The following PLA2G4C variants were observed in gnomAD, a reference collection of about 807,000 sequenced individuals.
The protein encoded by PLA2G4C is phospholipase A2 group IVC, also known as cytosolic phospholipase A2 gamma.
Under a neutral mutation model 73.8 loss-of-function variants are expected in PLA2G4C, and 64 were observed. The observed-to-expected ratio is 0.87, with a 90% CI of 0.71 to 1.07. The LOEUF (loss-of-function observed/expected upper bound fraction) is 1.07. PLA2G4C is among the 50% of genes least tolerant of loss of function. The pLI is 0.00. For missense variants in PLA2G4C, 622 were observed against 665.4 expected, an observed-to-expected ratio of 0.93 and a Z score of 0.72; for synonymous variants, 254 against 252.1, an observed-to-expected ratio of 1.01 and a Z score of -0.07.
intron 7 of PLA2G4C, among the ~76,000 whole-genome samples, chr19:48,095,213 G>GC (rs2031504803): frequency 6.6e-6 from 1 of 152,100 alleles, no homozygotes; most frequent in African/African-American, 2.4e-5. Flanking sequence ...CTGGACTTGA[G>GC]CCCCTCTATT....
At chr19:48,069,771 A>G (rs1282677116) in intron 12 of PLA2G4C, among the ~76,000 whole-genome samples, 1 of 151,042 alleles carries the variant, frequency 6.6e-6, no homozygotes, top group African/African-American at 2.4e-5. Flanking sequence ...ACTTTTATTT[A>G]TTTATTTTTT....
chr19:48,070,934 C>G (rs201709813), intron 12 of PLA2G4C, among the ~76,000 whole-genome samples: 39 of 152,208 alleles, frequency 2.6e-4, no homozygotes, highest in Non-Finnish European at 4.3e-4. Flanking sequence ...TCTCGGTTTC[C>G]GCCTGTTGGC....
At chr19:48,080,721 A>C (rs987417342) in intron 10 of PLA2G4C, among the ~76,000 whole-genome samples, 12 of 151,778 alleles carry the variant, frequency 7.9e-5, no homozygotes. Flanking sequence ...AGGCAGGAGA[A>C]TCACTTGAAC....
intron 11 of PLA2G4C, among the ~76,000 whole-genome samples, chr19:48,076,195 T>C (rs147376956): frequency 0.011 from 1,717 of 152,344 alleles, 37 homozygotes; most frequent in African/African-American, 0.039. Flanking sequence ...AGGACCTACC[T>C]TCACTCTGTA....
In PLA2G4C at chr19:48,088,797, G is replaced by A. The variant is rs2031129964; in HGVS notation, c.764-85C>T. The A allele has an allele frequency of 3.9e-6, 4 of 1,036,084 alleles. No homozygotes were observed. The South Asian group carries it at 3.9e-5, about 10-fold the overall frequency. 64.2% of individuals were successfully genotyped at this position (1,036,084 alleles called of 1,614,324 possible). A position where few individuals can be genotyped will look rare whatever the true frequency, so the allele number is the denominator to read the frequency against. On this transcript the variant is annotated intron_variant, in intron 8 of 16. Coordinates refer to ENST00000599921, the MANE Select transcript of PLA2G4C (RefSeq NM_003706.3). ...TATAAAAAATACAGATGACCTGCAG[G>A]GATATTTCATTAATAGAAATGGCAG...
At chr19:48,080,984 C>T (rs2030519438) in intron 10 of PLA2G4C, among the ~76,000 whole-genome samples, 1 of 82,208 alleles carries the variant, frequency 1.2e-5, no homozygotes, top group Non-Finnish European at 2.3e-5. Flanking sequence ...CCGGTCTCTA[C>T]TAAAAATACA....
intron 14 of PLA2G4C, among the ~76,000 whole-genome samples, chr19:48,055,805 C>T (rs962321086): frequency 6.6e-6 from 1 of 151,684 alleles, no homozygotes; most frequent in Non-Finnish European, 1.5e-5. Flanking sequence ...CGGCTAATTT[C>T]ATATATTTAG....
chr19:48,099,935 G>C (rs2031812709), intron 4 of PLA2G4C, 75 bp from the exon 5 acceptor site: 3 of 1,034,352 alleles, frequency 2.9e-6, no homozygotes, highest in Non-Finnish European at 4.3e-6. Context: ...ATGTGTGCAA[G>C]GAGGTCCTTC....
intron 16 of PLA2G4C, 119 bp downstream of exon 16, chr19:48,052,878 G>A (rs1480540436): frequency 1.9e-6 from 2 of 1,052,408 alleles, no homozygotes; most frequent in Non-Finnish European, 2.8e-6. Context: ...CTCAAGTAGG[G>A]GAGACACTGC....
chr19:48,090,348 T>A lies in PLA2G4C; in HGVS notation c.763+16A>T, dbSNP rs762873134. ...ATATCTCTAGGGTTTGACCTTTCTG[T>A]TCCCCAAATACTCACCAAAAATGTA... On this transcript the variant is annotated intron_variant, in intron 8 of 16. Transcript: ENST00000599921. 1 of 1,584,460 alleles carries A rather than the reference T, an allele frequency of 6.3e-7. No individual in the cohort carries two copies. The highest frequency in any genetic ancestry group is 1.1e-5 in the South Asian group (1 of 90,328).
At chr19:48,053,371 T>TC (rs1568420083) in intron 15 of PLA2G4C, among the ~76,000 whole-genome samples, 4 of 144,754 alleles carry the variant, frequency 2.8e-5, no homozygotes, top group Admixed American at 1.4e-4. Context: ...TTTCTTTTTT[T>TC]TTTTTTTTTT....
chr19:48,091,938 C>G (rs982855730), intron 7 of PLA2G4C, among the ~76,000 whole-genome samples: 1 of 146,550 alleles, frequency 6.8e-6, no homozygotes, highest in Non-Finnish European at 1.5e-5. Flanking sequence ...TGGCTGGTAT[C>G]CAAAAAACCC....
At chr19:48,084,839 C>A (rs1053121253) in intron 10 of PLA2G4C, among the ~76,000 whole-genome samples, 1 of 152,232 alleles carries the variant, frequency 6.6e-6, no homozygotes, top group Non-Finnish European at 1.5e-5. Flanking sequence ...ACATGTACCA[C>A]AGCAACATTC....
Position 48,075,305 on chromosome 19 carries a change from T to G in PLA2G4C, c.899-431A>C, listed in dbSNP as rs1202309659. ...TTCAAGAAATTCCCCTGGCTCAGCCTCTGGAGTATCTGGGACTACAGGCAC... is the reference window on the plus strand; with the variant it reads ...TTCAAGAAATTCCCCTGGCTCAGCCGCTGGAGTATCTGGGACTACAGGCAC... On this transcript the variant is annotated intron_variant, in intron 11 of 16. Transcript: ENST00000599921. Among the ~76,000 whole-genome samples the G allele has an allele frequency of 3.3e-5, 5 of 151,892 alleles. No homozygotes were observed. In the East Asian group the frequency reaches 9.7e-4, roughly 30 times the overall value.
intron 5 of PLA2G4C, among the ~76,000 whole-genome samples, chr19:48,098,825 C>G (rs1270449770): frequency 1.3e-5 from 2 of 149,390 alleles, no homozygotes; most frequent in African/African-American, 4.9e-5. Context: ...TTGCTTGAGC[C>G]CAGGAGGTCA....
At chr19:48,097,522 G>A (rs2031660418) in intron 6 of PLA2G4C, among the ~76,000 whole-genome samples, 1 of 151,798 alleles carries the variant, frequency 6.6e-6, no homozygotes, top group Non-Finnish European at 1.5e-5. Flanking sequence ...AAAGTCCTGG[G>A]ATTACAGGCG....
Position 48,097,560 on chromosome 19 carries a change from T to C in PLA2G4C, c.568+579A>G, listed in dbSNP as rs529545077. 6.6e-5 allele frequency among the ~76,000 whole-genome samples: 10 copies of C among 151,602 alleles called. No individual in the cohort carries two copies. In the East Asian group the frequency reaches 1.6e-3, roughly 24 times the overall value. ...AGCCACTGCGCCCGGCCCCTTTTTGTCTTTTGTCCCTCCTCTCCTCTGTTT... is the reference window on the plus strand; with the variant it reads ...AGCCACTGCGCCCGGCCCCTTTTTGCCTTTTGTCCCTCCTCTCCTCTGTTT... On this transcript the variant is annotated intron_variant, in intron 6 of 16. Transcript: ENST00000599921.
At position 48,062,352 on chromosome 19, in the gene PLA2G4C, T is replaced by A. The variant is rs1968220139; in HGVS notation, c.1103-200A>T. The A allele has an allele frequency of 6.3e-5, 27 of 429,670 alleles. No individual in the cohort carries two copies. The South Asian group carries it at 1.0e-3, about 16-fold the overall frequency. The allele number at this position is 429,670 out of a possible 1,614,324, so 26.6% of individuals were successfully genotyped here. On this transcript the variant is annotated intron_variant, in intron 13 of 16. Coordinates refer to ENST00000599921, the MANE Select transcript of PLA2G4C (RefSeq NM_003706.3). ...CTGGCTGGGTGCGGTGCCTCACACC[T>A]GAAATCCCAGCACTTTGGGGGCTGA...
chr19:48,104,474 A>G lies in PLA2G4C; in HGVS notation c.257+114T>C. On this transcript the variant is annotated intron_variant, in intron 4 of 16. Transcript: ENST00000599921. ...CAGAATTGTAGGACACCCAGCTAGT[A>G]CCAGAGAGCTCGAGAAGCAGCGTTG... 11 of 997,590 alleles carry G rather than the reference A, an allele frequency of 1.1e-5. 1 individual carries two copies. Among genetic ancestry groups the G allele is most frequent in the Non-Finnish European group, 1.7e-5 (11 of 648,330 alleles). 61.8% of individuals were successfully genotyped at this position (997,590 alleles called of 1,614,324 possible). A position where few individuals can be genotyped will look rare whatever the true frequency, so the allele number is the denominator to read the frequency against.
Sources: gnomAD v4.1 joint callset for allele counts (sites outside exome capture counted in the v4.1 genomes callset) on GRCh38, gnomAD v4.1.1 for gene constraint, MANE v1.5 for transcripts, NCBI Gene and HGNC (gene_info 2026-07-23, HGNC 2026-07-21) for gene names.